The following RBFOX1 variants were observed in gnomAD, a reference collection of about 807,000 sequenced individuals.
RBFOX1 encodes RNA binding protein fox-1 homolog 1.
In RBFOX1, 8 loss-of-function variants were observed where a neutral mutation model predicts 57.7. The observed-to-expected ratio is 0.14, with a 90% confidence interval of 0.08 to 0.25. RBFOX1 has a LOEUF of 0.25. Among genes scored for constraint, RBFOX1 ranks in the 10% least tolerant of loss-of-function variants. RBFOX1 has a pLI of 1.00. For missense variants in RBFOX1, 611 were observed against 548.5 expected (o/e 1.11, Z -1.14); for synonymous variants, 326 against 222.4 (o/e 1.47, Z -4.15).
downstream of RBFOX1, among the ~76,000 whole-genome samples, chr16:5,601,820 A>G (rs1438613005): frequency 6.6e-6 from 1 of 152,208 alleles, no homozygotes; most frequent in African/African-American, 2.4e-5. Flanking sequence ...AATAGGATCA[A>G]AGGTGTCTGA....
At chr16:7,375,884 A>T (rs1472096345) in intron 4 of RBFOX1, among the ~76,000 whole-genome samples, 1 of 152,176 alleles carries the variant, frequency 6.6e-6, no homozygotes, top group African/African-American at 2.4e-5. Flanking sequence ...GATATGAGAT[A>T]CTTTGCAAAG....
At chr16:7,042,678 C>T (rs1179296239) in intron 3 of RBFOX1, among the ~76,000 whole-genome samples, 6 of 152,204 alleles carry the variant, frequency 3.9e-5, no homozygotes, top group African/African-American at 1.4e-4. Context: ...GTAATGCCAG[C>T]AGTTTGGGAG....
chr16:5,389,666 C>CTATTT (rs972093697), intron 1 of RBFOX1, among the ~76,000 whole-genome samples: 6 of 151,776 alleles, frequency 4.0e-5, no homozygotes, highest in Non-Finnish European at 7.4e-5. Context: ...GCTTCTCTTC[C>CTATTT]TATTTTATTT....
chr16:7,598,873 C>G (rs1406040554), intron 9 of RBFOX1, among the ~76,000 whole-genome samples: 1 of 152,014 alleles, frequency 6.6e-6, no homozygotes, highest in African/African-American at 2.4e-5. Flanking sequence ...TTGTTTATCA[C>G]AATAAAAGAA....
chr16:5,622,824 A>C (rs543571065), intron 3 of RBFOX1, among the ~76,000 whole-genome samples: 2 of 152,346 alleles, frequency 1.3e-5, no homozygotes, highest in South Asian at 4.1e-4. Flanking sequence ...CCTCGATTCA[A>C]AAATATCCTT....
chr16:6,782,132 G>A (rs922650867), intron 3 of RBFOX1, among the ~76,000 whole-genome samples: 6 of 152,012 alleles, frequency 3.9e-5, no homozygotes, highest in Non-Finnish European at 7.4e-5. Flanking sequence ...TCAGCCTCCC[G>A]AGTAGCTGGG....
chr16:7,064,663 C>G (rs951591900), intron 4 of RBFOX1, among the ~76,000 whole-genome samples: 1 of 152,142 alleles, frequency 6.6e-6, no homozygotes, highest in Admixed American at 6.5e-5. Context: ...TTTGATTTCC[C>G]TGGTCCACGG....
At chr16:6,804,993 A>G (rs1185902392) in intron 3 of RBFOX1, among the ~76,000 whole-genome samples, 2 of 152,204 alleles carry the variant, frequency 1.3e-5, no homozygotes, top group Non-Finnish European at 2.9e-5. Context: ...GCAATTCATC[A>G]AAGATCTGAA....
At chr16:6,215,262 G>T (rs1441340251) in intron 1 of RBFOX1, among the ~76,000 whole-genome samples, 1 of 126,496 alleles carries the variant, frequency 7.9e-6, no homozygotes, top group Non-Finnish European at 1.7e-5. Context: ...AGAGAGAGAA[G>T]GGCAGAGGGA....
chr16:5,678,452 A>C (rs1389713478), intron 3 of RBFOX1, among the ~76,000 whole-genome samples: 3 of 152,236 alleles, frequency 2.0e-5, no homozygotes, highest in Non-Finnish European at 4.4e-5. Flanking sequence ...CAATATAGAA[A>C]GTAAATAGAT....
At chr16:6,804,782 T>C (rs2154260786) in intron 3 of RBFOX1, among the ~76,000 whole-genome samples, 1 of 152,286 alleles carries the variant, frequency 6.6e-6, no homozygotes, top group East Asian at 1.9e-4. Flanking sequence ...CGTTCCCTAC[T>C]CTATTGCCAA....
chr16:6,512,617 A>C (rs1346870028), intron 2 of RBFOX1, among the ~76,000 whole-genome samples: 1 of 152,152 alleles, frequency 6.6e-6, no homozygotes, highest in Non-Finnish European at 1.5e-5. Context: ...AGGAAATGTT[A>C]CACATTTCCA....
At chr16:6,541,005 A>G (rs2096808093) in intron 2 of RBFOX1, among the ~76,000 whole-genome samples, 1 of 152,224 alleles carries the variant, frequency 6.6e-6, no homozygotes, top group Non-Finnish European at 1.5e-5. Context: ...CACGAAGAGC[A>G]AGCATGAGTG....
At chr16:7,185,448 T>G (rs1046017534) in intron 4 of RBFOX1, among the ~76,000 whole-genome samples, 1 of 152,176 alleles carries the variant, frequency 6.6e-6, no homozygotes, top group Admixed American at 6.5e-5. Context: ...CTGCAAATGG[T>G]AAGACTAGAT....
At chr16:6,937,422 T>C (rs2077563622) in intron 3 of RBFOX1, among the ~76,000 whole-genome samples, 1 of 152,190 alleles carries the variant, frequency 6.6e-6, no homozygotes, top group Non-Finnish European at 1.5e-5. Flanking sequence ...TAGTTTTCTA[T>C]GTGTTGGCCA....
intron 4 of RBFOX1, among the ~76,000 whole-genome samples, chr16:7,338,750 C>T (rs911114664): frequency 6.6e-6 from 1 of 152,142 alleles, no homozygotes; most frequent in Non-Finnish European, 1.5e-5. Flanking sequence ...CAGAGAGTAA[C>T]CATCCTTATA....
chr16:6,978,057 G>T (rs1195251563), intron 3 of RBFOX1, among the ~76,000 whole-genome samples: 6 of 89,894 alleles, frequency 6.7e-5, no homozygotes, highest in Non-Finnish European at 1.1e-4. Flanking sequence ...CCTCTAACCT[G>T]CCCCGTACCC....
At chr16:7,438,662 A>C (rs1423097000) in intron 4 of RBFOX1, among the ~76,000 whole-genome samples, 1 of 152,206 alleles carries the variant, frequency 6.6e-6, no homozygotes, top group Admixed American at 6.5e-5. Context: ...ATTTTAAACC[A>C]GCCCATTAAA....
intron 10 of RBFOX1, among the ~76,000 whole-genome samples, chr16:7,630,391 C>T (rs574239527): frequency 1.0e-3 from 147 of 143,692 alleles, no homozygotes; most frequent in African/African-American, 3.5e-3. Flanking sequence ...AAAGTCATGA[C>T]GTGTGCTTGG....
Sources: gnomAD v4.1 joint callset for allele counts (sites outside exome capture counted in the v4.1 genomes callset) on GRCh38, gnomAD v4.1.1 for gene constraint, MANE v1.5 for transcripts, NCBI Gene and HGNC (gene_info 2026-07-23, HGNC 2026-07-21) for gene names.